The following GPC5 variants were observed in gnomAD, a reference collection of about 807,000 sequenced individuals.
The protein encoded by GPC5 is glypican-5.
Under a neutral mutation model 53.9 loss-of-function variants are expected in GPC5, and 47 were observed. The ratio of observed to expected loss-of-function variants is 0.87; its 90% CI spans 0.69 to 1.11. The LOEUF (loss-of-function observed/expected upper bound fraction) is 1.11, where lower values mean the gene tolerates loss of function less well. Among genes scored for constraint, GPC5 ranks in the 50% most tolerant of loss-of-function variants. GPC5 has a pLI of 0.00. For synonymous variants in GPC5, 286 were observed against 263.3 expected, an observed-to-expected ratio of 1.09 and a Z score of -0.84; for missense variants, 748 against 713.1, an observed-to-expected ratio of 1.05 and a Z score of -0.56.
intron 7 of GPC5, among the ~76,000 whole-genome samples, chr13:92,499,998 A>C (rs1299723321): frequency 1.3e-5 from 2 of 152,202 alleles, no homozygotes; most frequent in Non-Finnish European, 2.9e-5. Flanking sequence ...ATAGTGACAG[A>C]TAGATTGGAA....
chr13:92,581,300 T>C (rs956539773), intron 7 of GPC5, among the ~76,000 whole-genome samples: 2 of 152,178 alleles, frequency 1.3e-5, no homozygotes, highest in Non-Finnish European at 2.9e-5. Flanking sequence ...ATACTCTGCA[T>C]GTAAGCAAGA....
At chr13:91,482,859 T>G (rs559238088) in intron 2 of GPC5, among the ~76,000 whole-genome samples, 13 of 142,782 alleles carry the variant, frequency 9.1e-5, no homozygotes, top group African/African-American at 3.7e-4. Flanking sequence ...CATATGAGAA[T>G]GCAGGTTTTT....
rs1227654212 is a variant in GPC5, at chr13:92,837,781, A to C, written c.1562-28501A>C. On this transcript the variant is annotated intron_variant, in intron 7 of 7. Transcript: ENST00000377067. ...GGAAGGCTGGAATAAACCAGAGGTA[A>C]AGTGGACCTTAAGAAGGTCACAATC... 2.0e-5 allele frequency among the ~76,000 whole-genome samples: 3 copies of C among 152,182 alleles called. No homozygotes were observed. In the East Asian group the frequency reaches 5.8e-4, roughly 29 times the overall value.
chr13:92,282,007 TA>T (rs763832841), intron 7 of GPC5, among the ~76,000 whole-genome samples: 2 of 152,158 alleles, frequency 1.3e-5, no homozygotes, highest in Non-Finnish European at 2.9e-5. Context: ...GAAAAAAGAT[TA>T]GACAAATGGC....
intron 7 of GPC5, among the ~76,000 whole-genome samples, chr13:92,614,621 G>C (rs1036361579): frequency 2.0e-5 from 3 of 152,110 alleles, no homozygotes; most frequent in Non-Finnish European, 4.4e-5. Context: ...TAATTCAAAT[G>C]GTTGGTTACA....
intron 5 of GPC5, among the ~76,000 whole-genome samples, chr13:91,832,588 A>G (rs1306578068): frequency 6.6e-6 from 1 of 151,996 alleles, no homozygotes; most frequent in Admixed American, 6.6e-5. Flanking sequence ...TGGTCTTTAC[A>G]ATTTGATATG....
rs534680523 is a variant in GPC5 at position 91,693,729 on chromosome 13, C to A, written c.868C>A (p.Pro290Thr). Residue 290 changes from proline (P) to threonine (T), a missense_variant, in exon 3 of 8, where the codon CCA becomes ACA. Pro to Thr is a conservative substitution (Grantham distance 38). Transcript: ENST00000377067. ...CCTGGCGCACATGGCGGAGCTTAATCCACACTGGCATGCATATATCCGGTC... is the reference window on the plus strand; with the variant it reads ...CCTGGCGCACATGGCGGAGCTTAATACACACTGGCATGCATATATCCGGTC... ...GCLAHMAELN[P>T]HWHAYIRSLE... 1.2e-6 allele frequency: 2 copies of A among 1,614,178 alleles called. No homozygotes were observed. The highest frequency in any genetic ancestry group is 1.7e-6 in the Non-Finnish European group (2 of 1,180,034).
At chr13:91,834,910 C>T (rs956415274) in intron 5 of GPC5, among the ~76,000 whole-genome samples, 1 of 152,222 alleles carries the variant, frequency 6.6e-6, no homozygotes. Context: ...TCTAATTAAA[C>T]TAAAGAGCTT....
At chr13:92,204,692 A>G (rs2042320148) in intron 7 of GPC5, among the ~76,000 whole-genome samples, 1 of 152,208 alleles carries the variant, frequency 6.6e-6, no homozygotes, top group Non-Finnish European at 1.5e-5. Flanking sequence ...AAGAAAAGAT[A>G]CAGATCCAAA....
At chr13:91,945,836 A>C (rs2039969706) in intron 6 of GPC5, among the ~76,000 whole-genome samples, 1 of 145,976 alleles carries the variant, frequency 6.9e-6, no homozygotes, top group Non-Finnish European at 1.5e-5. Flanking sequence ...CAAGTGATAC[A>C]ACCTGATACA....
At chr13:92,270,732 TA>T (rs1393756036) in intron 7 of GPC5, among the ~76,000 whole-genome samples, 1 of 152,224 alleles carries the variant, frequency 6.6e-6, no homozygotes, top group Non-Finnish European at 1.5e-5. Context: ...TGCTGTTTCA[TA>T]ATAGAAAATC....
At chr13:92,367,796 T>C (rs1048796566) in intron 7 of GPC5, among the ~76,000 whole-genome samples, 4 of 152,258 alleles carry the variant, frequency 2.6e-5, no homozygotes, top group Admixed American at 6.5e-5. Flanking sequence ...CCCTTGAGTG[T>C]TAGTGACCTG....
chr13:92,042,349 A>G (rs7337057), intron 6 of GPC5, among the ~76,000 whole-genome samples: 149,822 of 152,224 alleles, frequency 0.98, 73,771 homozygotes, highest in Middle Eastern at 1. Context: ...TGATAGCACC[A>G]GGGCCTCCAA....
In GPC5 at chr13:91,888,298, A is replaced by G. The variant is rs1050288002; in HGVS notation, c.1281-19639A>G. Among the ~76,000 whole-genome samples the G allele has an allele frequency of 6.5e-4, 99 of 152,274 alleles. 1 individual carries two copies. The highest frequency in any genetic ancestry group is 1.2e-3 in the Non-Finnish European group (82 of 68,008). On this transcript the variant is annotated intron_variant, in intron 5 of 7. Coordinates refer to ENST00000377067, the MANE Select transcript of GPC5 (RefSeq NM_004466.6). ...CACTCCCATGATTCAATTACCTCCT[A>G]CTGGGTTCCTCCCAGGACACGTGGG...
intron 6 of GPC5, among the ~76,000 whole-genome samples, chr13:91,998,126 T>A (rs951890932): frequency 1.3e-5 from 2 of 152,210 alleles, no homozygotes; most frequent in Non-Finnish European, 2.9e-5. Flanking sequence ...ATTGAAAAGT[T>A]TTTTATTCCC....
At chr13:92,121,778 C>T (rs1160190612) in intron 6 of GPC5, among the ~76,000 whole-genome samples, 1 of 152,162 alleles carries the variant, frequency 6.6e-6, no homozygotes, top group African/African-American at 2.4e-5. Flanking sequence ...TTCTCTCATT[C>T]ACAGGATATT....
At chr13:92,746,452 C>T (rs1375376361) in intron 7 of GPC5, among the ~76,000 whole-genome samples, 1 of 152,058 alleles carries the variant, frequency 6.6e-6, no homozygotes, top group Non-Finnish European at 1.5e-5. Context: ...CTAAGTGATT[C>T]CTGCAGTAAA....
intron 7 of GPC5, among the ~76,000 whole-genome samples, chr13:92,345,604 A>G (rs1268352597): frequency 6.6e-6 from 1 of 152,182 alleles, no homozygotes; most frequent in Non-Finnish European, 1.5e-5. Flanking sequence ...GAACTGAATG[A>G]AAATAAATTA....
At chr13:92,188,270 A>G (rs75193287) in intron 7 of GPC5, among the ~76,000 whole-genome samples, 4,779 of 152,302 alleles carry the variant, frequency 0.031, 271 homozygotes, top group African/African-American at 0.11. Context: ...GAGGAAAGAA[A>G]GGAGACAGTG....
Sources: allele counts gnomAD v4.1 joint callset (sites outside exome capture counted in the v4.1 genomes callset), GRCh38; gene constraint gnomAD v4.1.1; transcripts MANE v1.5; gene names NCBI Gene and HGNC (gene_info 2026-07-23, HGNC 2026-07-21).